Variants in FAM171A1 observed in about 807,000 individuals in gnomAD.
FAM171A1 encodes protein FAM171A1.
FAM171A1 carries 23 observed loss-of-function variants against 74.9 expected under a neutral mutation model. The ratio of observed to expected loss-of-function variants is 0.31; its 90% CI spans 0.22 to 0.44. FAM171A1 has a LOEUF of 0.44. Ranked by LOEUF, FAM171A1 falls within the 20% of genes least tolerant of loss-of-function variation. The pLI, the probability that FAM171A1 is intolerant of heterozygous loss-of-function variation, is 1.00. For missense variants in FAM171A1, 1,162 were observed against 1,159.2 expected, an observed-to-expected ratio of 1.00 and a Z score of -0.03; for synonymous variants, 527 against 505.7, an observed-to-expected ratio of 1.04 and a Z score of -0.57.
intron 1 of FAM171A1, among the ~76,000 whole-genome samples, chr10:15,316,289 G>A (rs1313159826): frequency 6.6e-6 from 1 of 152,186 alleles, no homozygotes; most frequent in Admixed American, 6.5e-5. Flanking sequence ...AGAGTGTCAG[G>A]CTGCCTCTGG....
intron 2 of FAM171A1, among the ~76,000 whole-genome samples, chr10:15,280,552 T>C (rs1834954858): frequency 6.6e-6 from 1 of 152,162 alleles, no homozygotes; most frequent in Non-Finnish European, 1.5e-5. Flanking sequence ...GTTTTCCTTA[T>C]GCTGGGTTCC....
At chr10:15,337,786 T>C (rs559349195) in intron 1 of FAM171A1, among the ~76,000 whole-genome samples, 4 of 151,960 alleles carry the variant, frequency 2.6e-5, no homozygotes, top group Non-Finnish European at 5.9e-5. Flanking sequence ...CCGACTCTAC[T>C]AAAAAAATAC....
At chr10:15,250,212 A>T (rs902194160) in intron 4 of FAM171A1, among the ~76,000 whole-genome samples, 18 of 152,340 alleles carry the variant, frequency 1.2e-4, no homozygotes, top group Admixed American at 1.2e-3. Context: ...AGGTGTGGGA[A>T]TGGAGATTTC....
Position 15,213,479 on chromosome 10 carries a change from C to A in FAM171A1, c.2109G>T (p.Pro703=). 6.2e-7 allele frequency: 1 copy of A among 1,614,088 alleles called. No homozygotes were observed. Among genetic ancestry groups the A allele is most frequent in the Non-Finnish European group, 8.5e-7 (1 of 1,180,016 alleles). ...AGGAGACGAACCACGCCCGGGGGTGCGGAAGCGGCTTCCCACCCCCAAGCT... is the reference window on the plus strand; with the variant it reads ...AGGAGACGAACCACGCCCGGGGGTGAGGAAGCGGCTTCCCACCCCCAAGCT... The part of the protein sequence containing the change: ...LMELGGGKPL[P]HPRAWFVSLD... Residue 703 remains proline (P), a synonymous_variant, in exon 8 of 8, where the codon CCG becomes CCT. Coordinates refer to ENST00000378116, the MANE Select transcript of FAM171A1 (RefSeq NM_001010924.2). This position sits in a 1 kb window ranked among gnomAD's most constrained non-coding sequence, Gnocchi z 6.8.
intron 1 of FAM171A1, among the ~76,000 whole-genome samples, chr10:15,353,576 C>A (rs1304558759): frequency 6.6e-6 from 1 of 152,152 alleles, no homozygotes; most frequent in Non-Finnish European, 1.5e-5. Flanking sequence ...CAGAAAACAT[C>A]GTCTCTTTTT....
chr10:15,314,808 T>A (rs945269489), intron 1 of FAM171A1, among the ~76,000 whole-genome samples: 2 of 152,120 alleles, frequency 1.3e-5, no homozygotes, highest in Non-Finnish European at 2.9e-5. Flanking sequence ...GCTGCCACAT[T>A]CCTGTCACTT....
At chr10:15,275,090 C>T (rs953283266) in intron 3 of FAM171A1, among the ~76,000 whole-genome samples, 2 of 151,816 alleles carry the variant, frequency 1.3e-5, no homozygotes, top group Admixed American at 6.6e-5. Flanking sequence ...CATTACACAC[C>T]GGGGCCTGTC....
chr10:15,354,541 C>A (rs1158152243), intron 1 of FAM171A1, among the ~76,000 whole-genome samples: 1 of 152,080 alleles, frequency 6.6e-6, no homozygotes, highest in African/African-American at 2.4e-5. Flanking sequence ...ATGAACTTGG[C>A]AATGTCTCCC....
At position 15,320,126 on chromosome 10, in the gene FAM171A1, C is replaced by T. The variant is rs547315309; in HGVS notation, c.98-36021G>A. Among the ~76,000 whole-genome samples the T allele has an allele frequency of 8.5e-5, 13 of 152,210 alleles. No homozygotes were observed. In the East Asian group the frequency reaches 1.5e-3, roughly 18 times the overall value. ...AGTATTTCTATCCTCACCCTCCTCC[C>T]ACCCTCCACTCTCAAGTAGGCCCCG... On this transcript the variant is annotated intron_variant, in intron 1 of 7. Coordinates refer to ENST00000378116, the MANE Select transcript of FAM171A1 (RefSeq NM_001010924.2).
At chr10:15,316,467 C>T (rs1290624106) in intron 1 of FAM171A1, among the ~76,000 whole-genome samples, 1 of 152,202 alleles carries the variant, frequency 6.6e-6, no homozygotes, top group African/African-American at 2.4e-5. Flanking sequence ...GAGAGCATTC[C>T]TCGGGGTGAG....
intron 5 of FAM171A1, among the ~76,000 whole-genome samples, chr10:15,235,086 G>A (rs1834267158): frequency 6.6e-6 from 1 of 152,162 alleles, no homozygotes; most frequent in African/African-American, 2.4e-5. Context: ...CAGGAGGGCC[G>A]ATTACCTGAG....
At chr10:15,307,409 T>C (rs1056791868) in intron 1 of FAM171A1, among the ~76,000 whole-genome samples, 1 of 151,704 alleles carries the variant, frequency 6.6e-6, no homozygotes, top group Non-Finnish European at 1.5e-5. Context: ...TTTTGGAAGG[T>C]TGAGGCGGGT....
chr10:15,311,510 T>C (rs924737784), intron 1 of FAM171A1, among the ~76,000 whole-genome samples: 1 of 152,194 alleles, frequency 6.6e-6, no homozygotes, highest in Non-Finnish European at 1.5e-5. Context: ...ACAGATTGCA[T>C]TGCTCTCCTG....
At chr10:15,255,009 C>G (rs893875016) in intron 3 of FAM171A1, 130 bp from the exon 4 acceptor site, 5 of 712,794 alleles carry the variant, frequency 7.0e-6, no homozygotes, top group Admixed American at 2.8e-5. Flanking sequence ...CAAGGCCTCC[C>G]TTCCCCCATT....
Position 15,214,493 on chromosome 10 carries a change from C to T in FAM171A1, c.1095G>A (p.Leu365=). The change falls in exon 8 of 8, where the codon CTG becomes CTA. Residue 365 remains leucine, a synonymous_variant. Transcript: ENST00000378116. Reference sequence around the variant, plus strand: ...GGAATTCTGACGCTCGGCGTGAAAACAGCAAGTTAATGTGTGACATGGACG... The same window carrying T: ...GGAATTCTGACGCTCGGCGTGAAAATAGCAAGTTAATGTGTGACATGGACG... ...QSTSMSHINL[L]FSRRASEFPG... 1 of 1,614,212 alleles carries T rather than the reference C, an allele frequency of 6.2e-7. No homozygotes were observed.
chr10:15,353,655 G>A (rs1246836691), intron 1 of FAM171A1, among the ~76,000 whole-genome samples: 16 of 152,190 alleles, frequency 1.1e-4, no homozygotes. Flanking sequence ...TCCATGCAGA[G>A]TCCAAAGAAG....
chr10:15,214,084 C>A lies in FAM171A1; in HGVS notation c.1504G>T (p.Asp502Tyr), dbSNP rs760950735. 6.2e-7 allele frequency: 1 copy of A among 1,614,124 alleles called. No homozygotes were observed. Among genetic ancestry groups the A allele is most frequent in the Non-Finnish European group, 8.5e-7 (1 of 1,180,026 alleles). Residue 502 changes from aspartate (D) to tyrosine (Y), a missense_variant, in exon 8 of 8, where the codon GAC becomes TAC. Transcript: ENST00000378116. ...VLSQPLFEKQ[D>Y]REGPASTGSK... Reference sequence around the variant, plus strand: ...CCCGTGGAGGCTGGACCTTCTCTGTCCTGCTTTTCAAATAAAGGCTGTGAG... The same window carrying A: ...CCCGTGGAGGCTGGACCTTCTCTGTACTGCTTTTCAAATAAAGGCTGTGAG...
chr10:15,220,333 G>C (rs1221092819), intron 6 of FAM171A1, among the ~76,000 whole-genome samples: 1 of 152,086 alleles, frequency 6.6e-6, no homozygotes, highest in African/African-American at 2.4e-5. Flanking sequence ...TAATTCTCCT[G>C]AGATGACCAT....
rs1248801012 is a variant in FAM171A1, at chr10:15,213,611, C to G, written c.1977G>C (p.Gln659His). ...QDAGTREWSP[Q>H]NASMSESLSI... ...AGAGAGACTCCGACATGGATGCGTT[C>G]TGAGGGCTCCACTCCCGGGTGCCCG... is the stretch of plus-strand genomic sequence containing the variant. The change falls in exon 8 of 8, where the codon CAG (glutamine) becomes CAC (histidine). Residue 659 changes from glutamine to histidine, a missense_variant. Physicochemically the swap from Gln to His is conservative, Grantham distance 24. Coordinates refer to ENST00000378116, the MANE Select transcript of FAM171A1 (RefSeq NM_001010924.2). This position sits in a 1 kb window ranked among gnomAD's most constrained non-coding sequence, Gnocchi z 6.8. 6.2e-7 allele frequency: 1 copy of G among 1,614,188 alleles called. No individual in the cohort carries two copies. The highest frequency in any genetic ancestry group is 1.7e-5 in the Admixed American group (1 of 60,032).
Sources: gnomAD v4.1 joint callset for allele counts (sites outside exome capture counted in the v4.1 genomes callset) on GRCh38, gnomAD v4.1.1 for gene constraint, Gnocchi (gnomAD v3.1) non-coding constraint, MANE v1.5 for transcripts, NCBI Gene and HGNC (gene_info 2026-07-23, HGNC 2026-07-21) for gene names.